Variants in MYH8 observed in about 807,000 individuals in gnomAD.
The protein encoded by MYH8 is myosin-8.
MYH8 carries 168 observed loss-of-function variants against 233.2 expected under a neutral mutation model. The observed-to-expected ratio is 0.72, with a 90% CI of 0.64 to 0.82. The LOEUF is 0.82. MYH8 is among the 40% of genes least tolerant of loss of function. The probability of loss-of-function intolerance (pLI) is 0.00; values close to 1 mark genes in which losing one functional copy is unlikely to be tolerated. For synonymous variants in MYH8, 785 were observed against 850.6 expected (o/e 0.92, Z 1.34); for missense variants, 1,995 against 2,327.8 (o/e 0.86, Z 2.94).
At position 10,406,903 on chromosome 17, in the gene MYH8, G is replaced by A; in HGVS notation, c.2042C>T (p.Thr681Ile). 6.2e-7 allele frequency: 1 copy of A among 1,613,890 alleles called. No homozygotes were observed. The highest frequency in any genetic ancestry group is 1.1e-5 in the South Asian group (1 of 91,066). Residue 681 changes from threonine to isoleucine, a missense_variant, in exon 18 of 40, where the codon ACC becomes ATC. Thr to Ile is a moderately conservative substitution (Grantham distance 89, BLOSUM62 -1). This residue lies in a region of MYH8 where 1,498 missense variants were observed against 1,680.9 expected (regional missense o/e 0.89). Coordinates refer to ENST00000403437, the MANE Select transcript of MYH8 (RefSeq NM_002472.3). ...TCTCTGTGTCTTACCAGGAGTTTTG[G>A]TTTCATTGGGAATGATACACCGTAC... Reference protein sequence around the residue: ...HFVRCIIPNETKTPGAMEHEL... With the variant: ...HFVRCIIPNEIKTPGAMEHEL...
intron 28 of MYH8, 106 bp from the exon 29 acceptor site, chr17:10,398,992 G>GTTTA: frequency 2.3e-6 from 1 of 439,838 alleles, no homozygotes; most frequent in Non-Finnish European, 3.8e-6. Flanking sequence ...ATATGTGTGT[G>GTTTA]TGTATATATA....
chr17:10,415,680 C>G lies in MYH8; in HGVS notation c.539+1G>C, dbSNP rs149198713. ...ATCAGAGAAGAAAAAAAATCACATA[C>G]GTGATCAGGATGGACTGATTCTCTC... On this transcript the variant is annotated splice_donor_variant, in intron 6 of 39. Transcript: ENST00000403437. LOFTEE classifies it high-confidence loss of function. This position sits in a 1 kb window ranked among gnomAD's most constrained non-coding sequence, Gnocchi z 4.1. 6.2e-6 allele frequency: 10 copies of G among 1,613,934 alleles called. No individual in the cohort carries two copies. In the East Asian group the frequency reaches 2.2e-4, roughly 36 times the overall value.
intron 21 of MYH8, among the ~76,000 whole-genome samples, chr17:10,404,980 T>C (rs1191165553): frequency 6.6e-6 from 1 of 152,186 alleles, no homozygotes; most frequent in Non-Finnish European, 1.5e-5. Context: ...TGCATGTTGA[T>C]TGTGCTGCCT....
Position 10,392,961 on chromosome 17 carries a change from G to A in MYH8, c.5333C>T (p.Thr1778Ile), listed in dbSNP as rs1319532143. ...MAEELKKEQD[T>I]SAHLERMKKN... ...CTTCATCCGCTCCAGGTGGGCGCTG[G>A]TGTCCTGTTCCTTCTTCAGCTCCTC... is the stretch of plus-strand genomic sequence containing the variant. Residue 1778 changes from threonine (T) to isoleucine (I), a missense_variant, in exon 37 of 40, where the codon ACC (threonine) becomes ATC (isoleucine). By Grantham distance (89) the Thr-to-Ile change is moderately conservative. Around this residue, in one of 3 missense-constraint regions of MYH8, gnomAD observed 1,498 missense variants for 1,680.9 expected, o/e 0.89. Coordinates refer to ENST00000403437, the MANE Select transcript of MYH8 (RefSeq NM_002472.3). 3 of 1,614,166 alleles carry A rather than the reference G, an allele frequency of 1.9e-6. No homozygotes were observed. The South Asian group carries it at 3.3e-5, about 18-fold the overall frequency.
In MYH8 at chr17:10,400,622, T is replaced by C. The variant is rs2072130201; in HGVS notation, c.3503A>G (p.Lys1168Arg). The change falls in exon 27 of 40, where the codon AAG becomes AGG. Residue 1168 changes from lysine to arginine, a missense_variant. Transcript: ENST00000403437. The surrounding 1 kb of genome is among the most constrained non-coding windows in gnomAD (Gnocchi z 4.0). ...TTTCTGAAACTCAGCCTCCCGCTTC[T>C]TGTTCAATTCCACCTGAGCAGAAGT... ...GATSAQVELN[K>R]KREAEFQKLR... The C allele has an allele frequency of 1.2e-6, 2 of 1,614,226 alleles. No individual in the cohort carries two copies. Among genetic ancestry groups the C allele is most frequent in the Non-Finnish European group, 8.5e-7 (1 of 1,180,044 alleles).
Position 10,410,858 on chromosome 17 carries a change from C to T in MYH8, c.1506G>A (p.Glu502=), listed in dbSNP as rs1362116623. 2 of 1,613,978 alleles carry T rather than the reference C, an allele frequency of 1.2e-6. No homozygotes were observed. Among genetic ancestry groups the T allele is most frequent in the Non-Finnish European group, 1.7e-6 (2 of 1,179,964 alleles). The change falls in exon 15 of 40, where the codon GAG becomes GAA. Residue 502 remains glutamate, a synonymous_variant. Transcript: ENST00000403437. ...FNHHMFVLEQ[E]EYKKEGIEWT... Reference sequence around the variant, plus strand: ...ACTCGATGCCTTCCTTCTTGTACTCCTCCTGCTCTAGCACAAACATGTGGT... The same window carrying T: ...ACTCGATGCCTTCCTTCTTGTACTCTTCCTGCTCTAGCACAAACATGTGGT...
rs1290639984 is a variant in MYH8 at position 10,398,854 on chromosome 17, C to T, written c.3895G>A (p.Ala1299Thr). 6 of 1,613,440 alleles carry T rather than the reference C, an allele frequency of 3.7e-6. No individual in the cohort carries two copies. Among genetic ancestry groups the T allele is most frequent in the Admixed American group, 1.7e-5 (1 of 60,010 alleles). ...EYSRQLDEKD[A>T]LVSQLSRSKQ... The stretch of plus-strand genomic sequence containing the variant: ...CTCCTTGAAAGCTGAGAGACTAAAG[C>T]ATCTTTCTCATCTAATTGTCGAGAA... The change falls in exon 29 of 40, where the codon GCT (alanine) becomes ACT (threonine). Residue 1299 changes from alanine to threonine, a missense_variant. Ala to Thr is a moderately conservative substitution (Grantham distance 58). This residue lies in a region of MYH8 where 1,498 missense variants were observed against 1,680.9 expected (regional missense o/e 0.89). Transcript: ENST00000403437.
intron 2 of MYH8, among the ~76,000 whole-genome samples, chr17:10,420,483 T>A (rs150386009): frequency 6.6e-6 from 1 of 152,370 alleles, no homozygotes; most frequent in African/African-American, 2.4e-5. Context: ...TCACATATCT[T>A]GATCCTCAGG....
intron 19 of MYH8, 108 bp from the exon 20 acceptor site, chr17:10,406,505 G>GA (rs762454528): frequency 1.3e-5 from 20 of 1,541,174 alleles, no homozygotes; most frequent in Non-Finnish European, 1.8e-5. Flanking sequence ...AATAAAAGTG[G>GA]AAAATCCAAC....
intron 12 of MYH8, among the ~76,000 whole-genome samples, chr17:10,412,933 A>G (rs538608694): frequency 6.6e-6 from 1 of 152,302 alleles, no homozygotes; most frequent in South Asian, 2.1e-4. Flanking sequence ...GATTTATTTC[A>G]AGTAGTTTTT....
rs201187310 is a variant in MYH8, at chr17:10,395,131, A to G, written c.4962+2T>C. The G allele has an allele frequency of 2.3e-5, 37 of 1,612,956 alleles. No homozygotes were observed. Among genetic ancestry groups the G allele is most frequent in the South Asian group, 2.2e-4 (20 of 91,024 alleles). On this transcript the variant is annotated splice_donor_variant, in intron 34 of 39. Coordinates refer to ENST00000403437, the MANE Select transcript of MYH8 (RefSeq NM_002472.3). LOFTEE classifies it high-confidence loss of function. ...CTGGGAGGCGAATGTGGACCCGTTT[A>G]CCTTCAGGATTCCTTGGGTGTTCCT... is the stretch of plus-strand genomic sequence containing the variant.
chr17:10,390,608 GAA>G lies in MYH8; in HGVS notation c.5665-7_5665-6del. On this transcript the variant is annotated splice_polypyrimidine_tract_variant and splice_region_variant and intron_variant, in intron 39 of 39. Transcript: ENST00000403437. ...ATTAGCATTGGATTGTTCCTCCTAA[GAA>G]TAGAGATAAAATTGTGAGAATTAGA... The G allele has an allele frequency of 6.2e-7, 1 of 1,613,798 alleles. No homozygotes were observed. The highest frequency in any genetic ancestry group is 8.5e-7 in the Non-Finnish European group (1 of 1,179,664).
chr17:10,400,172 C>A lies in MYH8; in HGVS notation c.3735+218G>T, dbSNP rs1189108246. On this transcript the variant is annotated intron_variant, in intron 27 of 39. Coordinates refer to ENST00000403437, the MANE Select transcript of MYH8 (RefSeq NM_002472.3). This position sits in a 1 kb window ranked among gnomAD's most constrained non-coding sequence, Gnocchi z 4.0. The stretch of plus-strand genomic sequence containing the variant: ...GAGCCGAGATTGCGCCACTGCACTT[C>A]AGCCTGGGCGACAGAGTGAGACTCC... 6.6e-6 allele frequency among the ~76,000 whole-genome samples: 1 copy of A among 152,100 alleles called. No homozygotes were observed. The highest frequency in any genetic ancestry group is 2.4e-5 in the African/African-American group (1 of 41,418).
chr17:10,415,672 A>G lies in MYH8; in HGVS notation c.539+9T>C, dbSNP rs1473530701. On this transcript the variant is annotated intron_variant, in intron 6 of 39. Transcript: ENST00000403437. The surrounding 1 kb of genome is among the most constrained non-coding windows in gnomAD (Gnocchi z 4.1). ...CCTTGCAAATCAGAGAAGAAAAAAA[A>G]TCACATACGTGATCAGGATGGACTG... 5 of 1,613,972 alleles carry G rather than the reference A, an allele frequency of 3.1e-6. No individual in the cohort carries two copies. Among genetic ancestry groups the G allele is most frequent in the Admixed American group, 1.7e-5 (1 of 59,990 alleles).
rs2072314112 is a variant in MYH8 at position 10,419,093 on chromosome 17, T to C, written c.211-63A>G. Reference sequence around the variant, plus strand: ...TTTGTTTGAGATAGAGTTTTGCTTTTTTTGCCCAGGCTGGAGTGCAGTGGC... The same window carrying C: ...TTTGTTTGAGATAGAGTTTTGCTTTCTTTGCCCAGGCTGGAGTGCAGTGGC... On this transcript the variant is annotated intron_variant, in intron 3 of 39. Coordinates refer to ENST00000403437, the MANE Select transcript of MYH8 (RefSeq NM_002472.3). This position sits in a 1 kb window ranked among gnomAD's most constrained non-coding sequence, Gnocchi z 4.0. The C allele has an allele frequency of 1.2e-6, 2 of 1,603,768 alleles. No homozygotes were observed. Among genetic ancestry groups the C allele is most frequent in the Non-Finnish European group, 1.7e-6 (2 of 1,172,634 alleles).
chr17:10,395,294 G>T lies in MYH8; in HGVS notation c.4801C>A (p.Gln1601Lys), dbSNP rs1486081243. Residue 1601 changes from glutamine to lysine, a missense_variant, in exon 34 of 40, where the codon CAG becomes AAG. By Grantham distance (53) the Gln-to-Lys change is moderately conservative. Around this residue, in one of 3 missense-constraint regions of MYH8, gnomAD observed 1,498 missense variants for 1,680.9 expected, o/e 0.89. Coordinates refer to ENST00000403437, the MANE Select transcript of MYH8 (RefSeq NM_002472.3). ...CTAATCTCTGCATCCAGCGTGCTCT[G>T]CATTGTCTCCACGACTCTAGTGTGG... Reference protein sequence around the residue: ...RNHTRVVETMQSTLDAEIRSR... With the variant: ...RNHTRVVETMKSTLDAEIRSR... 17 of 1,614,136 alleles carry T rather than the reference G, an allele frequency of 1.1e-5. No individual in the cohort carries two copies. The highest frequency in any genetic ancestry group is 1.3e-5 in the Non-Finnish European group (15 of 1,180,032).
intron 22 of MYH8, among the ~76,000 whole-genome samples, chr17:10,403,182 C>T (rs1182031163): frequency 2.0e-5 from 3 of 152,188 alleles, no homozygotes; most frequent in African/African-American, 7.2e-5. Context: ...AGTTATGCCA[C>T]ATTTGCCTTG....
In MYH8 at chr17:10,400,530, G is replaced by T. The variant is rs2072128545; in HGVS notation, c.3595C>A (p.His1199Asn). The T allele has an allele frequency of 6.2e-7, 1 of 1,614,024 alleles. No homozygotes were observed. Among genetic ancestry groups the T allele is most frequent in the Non-Finnish European group, 8.5e-7 (1 of 1,180,016 alleles). ...EAMVAALRKK[H>N]ADSMAELGEQ... ...CCAAGCTCAGCCATACTGTCTGCGT[G>T]CTTCTTCCGAAGAGCAGCCACCATA... Residue 1199 changes from histidine (H) to asparagine (N), a missense_variant, in exon 27 of 40, where the codon CAC becomes AAC. His to Asn is a moderately conservative substitution (Grantham distance 68). This residue lies in a region of MYH8 where 1,498 missense variants were observed against 1,680.9 expected (regional missense o/e 0.89). Transcript: ENST00000403437. The surrounding 1 kb of genome is among the most constrained non-coding windows in gnomAD (Gnocchi z 4.0).
intron 17 of MYH8, among the ~76,000 whole-genome samples, chr17:10,407,889 C>T (rs1289155470): frequency 1.3e-5 from 2 of 150,796 alleles, no homozygotes; most frequent in African/African-American, 4.9e-5. Context: ...ACTATATAAC[C>T]TTGGGTTGGT....
Sources: gnomAD v4.1 joint callset for allele counts (sites outside exome capture counted in the v4.1 genomes callset) on GRCh38, gnomAD v4.1.1 for gene constraint, gnomAD v4.1.1 regional missense constraint, Gnocchi (gnomAD v3.1) non-coding constraint, MANE v1.5 for transcripts, NCBI Gene and HGNC (gene_info 2026-07-23, HGNC 2026-07-21) for gene names.